Variants in NMNAT1 observed in about 807,000 individuals in gnomAD.
NMNAT1 encodes nicotinamide/nicotinic acid mononucleotide adenylyltransferase 1.
In NMNAT1, 11 loss-of-function variants were observed where a neutral mutation model predicts 16.7. That is an observed-to-expected ratio of 0.66 (90% CI 0.41 to 1.09). The LOEUF (loss-of-function observed/expected upper bound fraction) is 1.09, where lower values mean the gene tolerates loss of function less well. Ranked by LOEUF, NMNAT1 falls within the 50% of genes least tolerant of loss-of-function variation. The probability of loss-of-function intolerance (pLI) is 0.00; values close to 1 mark genes in which losing one functional copy is unlikely to be tolerated. For synonymous variants in NMNAT1, 110 were observed against 119.8 expected (o/e 0.92, Z 0.53); for missense variants, 280 against 332.3 (o/e 0.84, Z 1.22).
chr1:9,993,029 C>T, the NMNAT1 span, among the ~76,000 whole-genome samples: 5 of 152,204 alleles, frequency 3.3e-5, no homozygotes, highest in East Asian at 1.9e-4. Context: ...AGAGGAGACA[C>T]CAAATACCAA....
intron 1 of NMNAT1, chr1:9,951,184 G>C (rs1281312655): frequency 6.6e-6 from 1 of 152,072 alleles, no homozygotes; most frequent in Admixed American, 6.6e-5. Context: ...CGAAGGACTG[G>C]TAAGCCTTTG....
intron 1 of NMNAT1, among the ~76,000 whole-genome samples, chr1:9,967,895 G>A (rs1641588171): frequency 6.6e-6 from 1 of 151,926 alleles, no homozygotes; most frequent in Non-Finnish European, 1.5e-5. Flanking sequence ...AGGATCACTT[G>A]AGCCTGGGAG....
intron 3 of NMNAT1, 137 bp from the exon 4 acceptor site, chr1:9,980,894 G>T (rs1641932579): frequency 1.3e-6 from 1 of 793,408 alleles, no homozygotes; most frequent in Admixed American, 3.5e-5. Flanking sequence ...CTGACCTCGT[G>T]ATCCGCCCAC....
chr1:9,979,304 C>G (rs6694110), intron 3 of NMNAT1, among the ~76,000 whole-genome samples: 3 of 151,926 alleles, frequency 2.0e-5, no homozygotes, highest in Non-Finnish European at 2.9e-5. Flanking sequence ...CTCATCTCTC[C>G]AAAAAACTAA....
chr1:9,986,405 T>G (rs1413828074), downstream of NMNAT1, among the ~76,000 whole-genome samples: 1 of 152,228 alleles, frequency 6.6e-6, no homozygotes, highest in Non-Finnish European at 1.5e-5. Flanking sequence ...GAGTCCAATT[T>G]GTACATTAAT....
rs530949168 is a variant in NMNAT1, at chr1:9,982,925, G to A, written c.*224G>A. Reference sequence around the variant, plus strand: ...GATCGAGACCATCCTGGCCAATATGGTGAAACCCCATCTCTACTAAAAATA... The same window carrying A: ...GATCGAGACCATCCTGGCCAATATGATGAAACCCCATCTCTACTAAAAATA... On this transcript the variant is annotated 3_prime_UTR_variant, in exon 5 of 5. Transcript: ENST00000377205. 2.5e-6 allele frequency: 1 copy of A among 400,676 alleles called. No individual in the cohort carries two copies. The highest frequency in any genetic ancestry group is 2.1e-5 in the African/African-American group (1 of 48,464). The allele number at this position is 400,676 out of a possible 1,614,324, so 24.8% of individuals were successfully genotyped here. A position where few individuals can be genotyped will look rare whatever the true frequency, so the allele number is the denominator to read the frequency against.
intron 1 of NMNAT1, among the ~76,000 whole-genome samples, chr1:9,954,761 T>C (rs1353941037): frequency 6.6e-6 from 1 of 150,746 alleles, no homozygotes; most frequent in Non-Finnish European, 1.5e-5. Flanking sequence ...TGACACCCCA[T>C]CTCTACTAAA....
At chr1:9,963,165 T>C (rs1641465245) in intron 1 of NMNAT1, among the ~76,000 whole-genome samples, 1 of 152,118 alleles carries the variant, frequency 6.6e-6, no homozygotes, top group East Asian at 1.9e-4. Flanking sequence ...TTTTTCTTCT[T>C]GGTGAGAGAG....
downstream of NMNAT1, among the ~76,000 whole-genome samples, chr1:9,987,532 T>A (rs1208916364): frequency 6.6e-6 from 1 of 151,826 alleles, no homozygotes; most frequent in Non-Finnish European, 1.5e-5. Context: ...CCCAGCTACT[T>A]GGGAGGCTGA....
intron 2 of NMNAT1, 66 bp from the exon 3 acceptor site, chr1:9,975,526 C>A (rs1335803041): frequency 3.9e-5 from 48 of 1,223,420 alleles, no homozygotes; most frequent in Non-Finnish European, 4.4e-5. Flanking sequence ...TAATATTGAT[C>A]GTAATATTTC....
intron 1 of NMNAT1, 45 bp from the exon 2 acceptor site, chr1:9,971,973 G>GAA (rs200890715): frequency 2.8e-6 from 2 of 709,258 alleles, no homozygotes; most frequent in Non-Finnish European, 5.1e-6. Context: ...TTATCTTAGG[G>GAA]AAAAAAAAAT....
At position 9,983,027 on chromosome 1, in the gene NMNAT1, C is replaced by G. The variant is rs1641980998; in HGVS notation, c.*326C>G. On this transcript the variant is annotated 3_prime_UTR_variant, in exon 5 of 5. Transcript: ENST00000377205. Reference sequence around the variant, plus strand: ...AGGCTGAGGCAGGAGAATCACTTGACCCCAGGTGGTGGAGGTTGCAGTGAG... The same window carrying G: ...AGGCTGAGGCAGGAGAATCACTTGAGCCCAGGTGGTGGAGGTTGCAGTGAG... The G allele has an allele frequency of 9.9e-6, 2 of 202,382 alleles. No homozygotes were observed. The highest frequency in any genetic ancestry group is 4.8e-5 in the African/African-American group (2 of 41,838). 12.5% of individuals were successfully genotyped at this position (202,382 alleles called of 1,614,324 possible). A position where few individuals can be genotyped will look rare whatever the true frequency, so the allele number is the denominator to read the frequency against.
At chr1:9,964,467 G>A (rs991319324) in intron 1 of NMNAT1, among the ~76,000 whole-genome samples, 3 of 151,148 alleles carry the variant, frequency 2.0e-5, no homozygotes. Flanking sequence ...GAGCCCAGGA[G>A]ATCGTGGCTG....
At position 9,972,193 on chromosome 1, in the gene NMNAT1, G is replaced by A. The variant is rs758053212; in HGVS notation, c.115+5G>A. On this transcript the variant is annotated splice_donor_5th_base_variant and intron_variant, in intron 2 of 4. Coordinates refer to ENST00000377205, the MANE Select transcript of NMNAT1 (RefSeq NM_022787.4). ...AGGACTACATGAATGGAACAGGTAG[G>A]AGCAGTAACCAAAAGTGGCTTAAGA... The A allele has an allele frequency of 1.5e-5, 23 of 1,541,478 alleles. No individual in the cohort carries two copies. Among genetic ancestry groups the A allele is most frequent in the Non-Finnish European group, 2.1e-5 (23 of 1,115,044 alleles).
intron 1 of NMNAT1, among the ~76,000 whole-genome samples, chr1:9,961,251 T>C (rs1440485083): frequency 1.3e-5 from 2 of 152,154 alleles, no homozygotes; most frequent in Non-Finnish European, 2.9e-5. Context: ...CATCCTTCCC[T>C]GAAGTCTGCT....
chr1:9,969,525 G>C (rs1436495433), intron 1 of NMNAT1, among the ~76,000 whole-genome samples: 1 of 152,156 alleles, frequency 6.6e-6, no homozygotes, highest in East Asian at 1.9e-4. Context: ...GCTGAGGTGG[G>C]TGGATCACTT....
intron 1 of NMNAT1, among the ~76,000 whole-genome samples, chr1:9,959,660 C>T (rs558268906): frequency 2.0e-5 from 3 of 151,862 alleles, no homozygotes; most frequent in Non-Finnish European, 2.9e-5. Context: ...TCCAGCCTGG[C>T]GACAACGAGA....
intron 3 of NMNAT1, among the ~76,000 whole-genome samples, chr1:9,980,582 A>AC (rs1270548164): frequency 1.3e-5 from 2 of 151,836 alleles, no homozygotes; most frequent in Non-Finnish European, 2.9e-5. Context: ...GAGATCACAC[A>AC]CTGCACTCAG....
rs1335956293 is a variant in NMNAT1 at position 9,981,025 on chromosome 1, T to C, written c.300-6T>C. The C allele has an allele frequency of 6.3e-7, 1 of 1,598,842 alleles. No individual in the cohort carries two copies. Among genetic ancestry groups the C allele is most frequent in the Non-Finnish European group, 8.5e-7 (1 of 1,176,160 alleles). On this transcript the variant is annotated splice_polypyrimidine_tract_variant and splice_region_variant and intron_variant, in intron 3 of 4. Transcript: ENST00000377205. Reference sequence around the variant, plus strand: ...AGAAATATTCTATTGTTTTGTTGTTTTATAGACACCATCAAGAGAAATTGG... The same window carrying C: ...AGAAATATTCTATTGTTTTGTTGTTCTATAGACACCATCAAGAGAAATTGG...
Sources: gnomAD v4.1 joint callset for allele counts (sites outside exome capture counted in the v4.1 genomes callset) on GRCh38, gnomAD v4.1.1 for gene constraint, MANE v1.5 for transcripts, NCBI Gene and HGNC (gene_info 2026-07-23, HGNC 2026-07-21) for gene names.